The following RORA variants were observed in gnomAD, a reference collection of about 807,000 sequenced individuals.
The protein encoded by RORA is nuclear receptor ROR-alpha.
A neutral mutation model predicts 69.5 loss-of-function variants in RORA; 7 were observed. That is an observed-to-expected ratio of 0.10 (90% CI 0.06 to 0.19). RORA has a LOEUF of 0.19. RORA is among the 10% of genes least tolerant of loss of function. The pLI is 1.00. For synonymous variants in RORA, 261 were observed against 240.8 expected (o/e 1.08, Z -0.78); for missense variants, 457 against 663.0 (o/e 0.69, Z 3.41).
chr15:60,733,860 CCCAACTTATGTGTAT>C (rs147789220), intron 1 of RORA, among the ~76,000 whole-genome samples: 1,607 of 147,678 alleles, frequency 0.011, 25 homozygotes, highest in African/African-American at 0.038. Flanking sequence ...AGTTGAGTTG[CCCAACTTATGTGTAT>C]CCAACTATCT....
intron 1 of RORA, among the ~76,000 whole-genome samples, chr15:60,956,347 A>G (rs1893267717): frequency 6.6e-6 from 1 of 152,200 alleles, no homozygotes; most frequent in Admixed American, 6.5e-5. Flanking sequence ...CAAAAGGTAG[A>G]TACTAATTTC....
chr15:60,507,979 A>T (rs2065567679), intron 5 of RORA, among the ~76,000 whole-genome samples: 1 of 152,248 alleles, frequency 6.6e-6, no homozygotes, highest in Non-Finnish European at 1.5e-5. Context: ...TGTACCTGAC[A>T]TACCAGTAGA....
intron 3 of RORA, among the ~76,000 whole-genome samples, chr15:60,519,112 A>C (rs1437243): frequency 1.3e-5 from 2 of 152,064 alleles, no homozygotes; most frequent in Admixed American, 6.5e-5. Context: ...GGGAGAAAAC[A>C]GTATCTAAAA....
At chr15:61,036,666 C>A (rs924978315) in intron 1 of RORA, among the ~76,000 whole-genome samples, 1 of 152,010 alleles carries the variant, frequency 6.6e-6, no homozygotes, top group Middle Eastern at 3.4e-3. Context: ...TTCATGTTAC[C>A]GCTTCCAGGT....
intron 10 of RORA, among the ~76,000 whole-genome samples, chr15:60,499,472 G>C (rs1470196515): frequency 6.6e-6 from 1 of 152,302 alleles, no homozygotes. Context: ...CAGAAGTTCA[G>C]GGTTGCATAG....
chr15:60,854,745 T>C (rs1680481), intron 1 of RORA, among the ~76,000 whole-genome samples: 132,985 of 152,242 alleles, frequency 0.87, 58,774 homozygotes, highest in East Asian at 0.99. Flanking sequence ...AAGTGTTCTC[T>C]AGCTCAAGGC....
At chr15:60,849,464 C>T (rs192807919) in intron 1 of RORA, among the ~76,000 whole-genome samples, 11 of 152,186 alleles carry the variant, frequency 7.2e-5, no homozygotes, top group East Asian at 1.9e-4. Flanking sequence ...TTGCTATTTA[C>T]GAGGTACCAT....
intron 1 of RORA, among the ~76,000 whole-genome samples, chr15:60,694,551 G>A (rs757568673): frequency 2.0e-4 from 30 of 152,262 alleles, no homozygotes; most frequent in Non-Finnish European, 3.5e-4. Context: ...CTGCCCCTCC[G>A]TTCTACCCAC....
chr15:60,893,383 G>A (rs970113637), intron 1 of RORA, among the ~76,000 whole-genome samples: 1 of 152,242 alleles, frequency 6.6e-6, no homozygotes, highest in African/African-American at 2.4e-5. Context: ...TCTGAGGGAA[G>A]AGGGTATTAA....
At chr15:60,628,429 T>C (rs2069650455) in intron 2 of RORA, among the ~76,000 whole-genome samples, 1 of 152,180 alleles carries the variant, frequency 6.6e-6, no homozygotes, top group Non-Finnish European at 1.5e-5. Flanking sequence ...GCTGTGGCAC[T>C]GTCATAAATC....
intron 1 of RORA, among the ~76,000 whole-genome samples, chr15:60,947,506 G>C (rs1048123773): frequency 9.9e-5 from 15 of 151,804 alleles, no homozygotes; most frequent in Non-Finnish European, 1.5e-5. Context: ...TGCTCGTTAA[G>C]AGTCATCACC....
chr15:60,797,579 TAC>T (rs979005666), intron 1 of RORA, among the ~76,000 whole-genome samples: 2 of 152,184 alleles, frequency 1.3e-5, no homozygotes, highest in African/African-American at 4.8e-5. Flanking sequence ...TGGCAGAGTT[TAC>T]AGAAAAACAC....
At chr15:60,884,653 G>A (rs1595791225) in intron 1 of RORA, among the ~76,000 whole-genome samples, 2 of 152,186 alleles carry the variant, frequency 1.3e-5, no homozygotes, top group East Asian at 1.9e-4. Context: ...CTGTCATGGG[G>A]TAGAGTTAGC....
chr15:60,516,077 T>TTATATATATTTATA (rs1567051782), intron 3 of RORA, among the ~76,000 whole-genome samples: 1 of 30,412 alleles, frequency 3.3e-5, no homozygotes. Context: ...TTATATATAT[T>TTATATATATTTATA]TATTTATATA....
chr15:60,947,339 C>A (rs896865712), intron 1 of RORA, among the ~76,000 whole-genome samples: 1 of 152,212 alleles, frequency 6.6e-6, no homozygotes, highest in Non-Finnish European at 1.5e-5. Flanking sequence ...CCATTTTGTT[C>A]TGTACTGGGA....
intron 2 of RORA, among the ~76,000 whole-genome samples, chr15:60,572,557 A>G (rs1339572340): frequency 1.3e-5 from 2 of 152,220 alleles, no homozygotes; most frequent in African/African-American, 2.4e-5. Context: ...CCATTTAAAA[A>G]CAAATCTATA....
chr15:61,145,839 A>C (rs1172170478), intron 1 of RORA, among the ~76,000 whole-genome samples: 1 of 152,148 alleles, frequency 6.6e-6, no homozygotes, highest in Admixed American at 6.5e-5. Context: ...TTCCTTTTAA[A>C]CACTAAACTC....
intron 1 of RORA, among the ~76,000 whole-genome samples, chr15:60,869,086 A>G (rs1191077321): frequency 6.6e-6 from 1 of 152,124 alleles, no homozygotes; most frequent in Non-Finnish European, 1.5e-5. Context: ...TGATGGTGGT[A>G]TCCTTCAGAA....
Position 60,511,258 on chromosome 15 carries a change from T to C in RORA, c.788A>G (p.Glu263Gly). The C allele has an allele frequency of 1.2e-6, 2 of 1,613,950 alleles. No homozygotes were observed. Among genetic ancestry groups the C allele is most frequent in the East Asian group, 2.2e-5 (1 of 44,890 alleles). The change falls in exon 5 of 11, where the codon GAG (glutamate) becomes GGG (glycine). Residue 263 changes from glutamate (E) to glycine (G), a missense_variant. Glu to Gly is a moderately conservative substitution (Grantham distance 98). Around this residue, in one of 3 missense-constraint regions of RORA, gnomAD observed 304 missense variants for 447.4 expected, o/e 0.68. Coordinates refer to ENST00000335670, the MANE Select transcript of RORA (RefSeq NM_134261.3). The surrounding 1 kb of genome is among the most constrained non-coding windows in gnomAD (Gnocchi z 6.4). ...TGCCATGGACACAGTTGGGGAAGTCTCGCCGTTGGTGAACGAACAGTAGGG... is the reference window on the plus strand; with the variant it reads ...TGCCATGGACACAGTTGGGGAAGTCCCGCCGTTGGTGAACGAACAGTAGGG... ...FFPYCSFTNG[E>G]TSPTVSMAEL...
Sources: gnomAD v4.1 joint callset for allele counts (sites outside exome capture counted in the v4.1 genomes callset) on GRCh38, gnomAD v4.1.1 for gene constraint, gnomAD v4.1.1 regional missense constraint, Gnocchi (gnomAD v3.1) non-coding constraint, MANE v1.5 for transcripts, NCBI Gene and HGNC (gene_info 2026-07-23, HGNC 2026-07-21) for gene names.